NNMT: variants seen among roughly 807,000 people sequenced by gnomAD.
The protein encoded by NNMT is nicotinamide N-methyltransferase.
Under a neutral mutation model 11.7 loss-of-function variants are expected in NNMT, and 10 were observed. That is an observed-to-expected ratio of 0.85 (90% CI 0.53 to 1.45). The LOEUF (loss-of-function observed/expected upper bound fraction) is 1.45. Ranked by LOEUF, NNMT falls within the 40% of genes most tolerant of loss-of-function variation. The probability of loss-of-function intolerance (pLI) is 0.00; values close to 1 mark genes in which losing one functional copy is unlikely to be tolerated. For synonymous variants in NNMT, 143 were observed against 133.8 expected, an observed-to-expected ratio of 1.07 and a Z score of -0.48; for missense variants, 381 against 319.4, an observed-to-expected ratio of 1.19 and a Z score of -1.47.
intron 2 of NNMT, among the ~76,000 whole-genome samples, chr11:114,279,350 G>T (rs536165678): frequency 6.6e-6 from 1 of 152,186 alleles, no homozygotes; most frequent in African/African-American, 2.4e-5. Flanking sequence ...ATGATGGGAA[G>T]CACAGAAGAG....
chr11:114,283,231 G>A (rs11214926), intron 2 of NNMT, among the ~76,000 whole-genome samples: 14,645 of 152,184 alleles, frequency 0.096, 1,034 homozygotes, highest in East Asian at 0.26. Flanking sequence ...GATGTCTCTG[G>A]AATCATTGTG....
At chr11:114,291,500 T>C (rs1335799664), upstream of NNMT, among the ~76,000 whole-genome samples, 1 of 152,164 alleles carries the variant, frequency 6.6e-6, no homozygotes, top group Non-Finnish European at 1.5e-5. Flanking sequence ...CCTGTTTTTT[T>C]GTTTGTTTGG....
rs1945154377 is a variant in NNMT at position 114,269,648 on chromosome 11, C to A, written c.-130+6714C>A. Among the ~76,000 whole-genome samples the A allele has an allele frequency of 2.0e-5, 3 of 152,276 alleles. No homozygotes were observed. The South Asian group carries it at 6.2e-4, about 32-fold the overall frequency. On this transcript the variant is annotated intron_variant, in intron 2 of 4. Transcript: ENST00000535401. ...GAGGCTCATCCACTTTTAGCTACTG[C>A]CCTGTCTTTCTTCCCTTTCACAGCC... is the stretch of plus-strand genomic sequence containing the variant.
intron 2 of NNMT, among the ~76,000 whole-genome samples, chr11:114,288,164 C>T (rs895270729): frequency 2.0e-5 from 3 of 152,076 alleles, no homozygotes; most frequent in Admixed American, 2.0e-4. Context: ...ATGTTATCTG[C>T]TAATAGTAAC....
At chr11:114,271,616 G>C (rs576462141) in intron 2 of NNMT, among the ~76,000 whole-genome samples, 1 of 152,062 alleles carries the variant, frequency 6.6e-6, no homozygotes, top group African/African-American at 2.4e-5. Flanking sequence ...GCAACTCCTC[G>C]TTTCTCATCA....
At chr11:114,310,808 TC>T (rs1945542514) in intron 2 of NNMT, among the ~76,000 whole-genome samples, 1 of 152,224 alleles carries the variant, frequency 6.6e-6, no homozygotes, top group South Asian at 2.1e-4. Context: ...CAATGTTTCT[TC>T]CCCTTTTCTC....
chr11:114,294,475 A>C (rs572215199), upstream of NNMT, among the ~76,000 whole-genome samples: 71 of 38,538 alleles, frequency 1.8e-3, no homozygotes, highest in South Asian at 0.096. Flanking sequence ...GAGACTCCAC[A>C]TCAAAAAAAA....
chr11:114,286,597 C>T (rs1035535714), intron 2 of NNMT, among the ~76,000 whole-genome samples: 1 of 152,194 alleles, frequency 6.6e-6, no homozygotes, highest in African/African-American at 2.4e-5. Context: ...TTTCTTCTTT[C>T]GCCCTACATC....
chr11:114,275,150 C>T (rs1418852981), intron 2 of NNMT, among the ~76,000 whole-genome samples: 1 of 152,166 alleles, frequency 6.6e-6, no homozygotes, highest in Non-Finnish European at 1.5e-5. Context: ...TTGTAATACA[C>T]TATTGAAGAG....
intron 2 of NNMT, among the ~76,000 whole-genome samples, chr11:114,301,910 G>A (rs76511793): frequency 0.041 from 6,280 of 151,954 alleles, 220 homozygotes; most frequent in South Asian, 0.11. Flanking sequence ...TTGTCCTGGG[G>A]AGTGAGCTTG....
chr11:114,293,306 T>C (rs1945347822), upstream of NNMT, among the ~76,000 whole-genome samples: 1 of 152,130 alleles, frequency 6.6e-6, no homozygotes, highest in South Asian at 2.1e-4. Context: ...TGCAACTTCT[T>C]GCAATGGGCA....
chr11:114,312,388 G>C lies in NNMT; in HGVS notation c.706G>C (p.Glu236Gln), dbSNP rs781361198. The change falls in exon 3 of 3, where the codon GAG (glutamate) becomes CAG (glutamine). Residue 236 changes from glutamate to glutamine, a missense_variant. Glu to Gln is a conservative substitution (Grantham distance 29). Transcript: ENST00000299964. ...GGCTGGCTACACAATCGAATGGTTT[G>C]AGGTGATCTCGCAAAGTTATTCTTC... Reference protein sequence around the residue: ...KEAGYTIEWFEVISQSYSSTM... With the variant: ...KEAGYTIEWFQVISQSYSSTM... 5 of 1,614,266 alleles carry C rather than the reference G, an allele frequency of 3.1e-6. No homozygotes were observed. Among genetic ancestry groups the C allele is most frequent in the Non-Finnish European group, 4.2e-6 (5 of 1,180,050 alleles).
chr11:114,268,023 C>T (rs1454845503), intron 2 of NNMT, among the ~76,000 whole-genome samples: 11 of 152,126 alleles, frequency 7.2e-5, no homozygotes, highest in Admixed American at 1.3e-4. Flanking sequence ...TTGTAGAAAG[C>T]GGTGATTATT....
intron 1 of NNMT, among the ~76,000 whole-genome samples, chr11:114,261,410 C>T (rs2135239292): frequency 6.6e-6 from 1 of 152,248 alleles, no homozygotes; most frequent in East Asian, 1.9e-4. Flanking sequence ...GGAGAAACCC[C>T]ATCTCTACTA....
intron 2 of NNMT, among the ~76,000 whole-genome samples, chr11:114,281,030 A>T (rs1945258221): frequency 6.6e-6 from 1 of 152,188 alleles, no homozygotes; most frequent in Non-Finnish European, 1.5e-5. Flanking sequence ...GGCCCAGGAA[A>T]GCCAACCCAG....
intron 2 of NNMT, among the ~76,000 whole-genome samples, chr11:114,272,591 A>G (rs773366294): frequency 6.6e-6 from 1 of 152,144 alleles, no homozygotes; most frequent in Non-Finnish European, 1.5e-5. Flanking sequence ...CTGCCCCCAT[A>G]AAGTCTAAGA....
At chr11:114,298,970 C>A (rs527404819) in intron 2 of NNMT, among the ~76,000 whole-genome samples, 5 of 152,362 alleles carry the variant, frequency 3.3e-5, no homozygotes, top group Admixed American at 3.3e-4. Context: ...CCATTCACTC[C>A]TGGAGCAACA....
Position 114,278,971 on chromosome 11 carries a change from G to T in NNMT, c.-130+16037G>T, listed in dbSNP as rs148946990. Among the ~76,000 whole-genome samples, 214 of 152,326 alleles carry T rather than the reference G, an allele frequency of 1.4e-3. 2 individuals are homozygous for T. The highest frequency in any genetic ancestry group is 4.8e-3 in the African/African-American group (200 of 41,576). On this transcript the variant is annotated intron_variant, in intron 2 of 4. Transcript: ENST00000535401. ...CAGGTGCCCTACGCAAGACTGGGTT[G>T]CCTGGTGCTCCCCTTGCTGCATAAA...
intron 2 of NNMT, among the ~76,000 whole-genome samples, chr11:114,284,216 G>A (rs1945280630): frequency 6.6e-6 from 1 of 152,228 alleles, no homozygotes; most frequent in Admixed American, 6.5e-5. Flanking sequence ...CCAGGCAGAT[G>A]TGGATCTCCA....
Sources: allele counts gnomAD v4.1 joint callset (sites outside exome capture counted in the v4.1 genomes callset), GRCh38; gene constraint gnomAD v4.1.1; transcripts MANE v1.5; gene names NCBI Gene and HGNC (gene_info 2026-07-23, HGNC 2026-07-21).